The following EIF2B3 variants were observed in gnomAD, a reference collection of about 807,000 sequenced individuals.
EIF2B3 encodes eukaryotic translation initiation factor 2B subunit gamma, also known as translation initiation factor eIF2B subunit gamma.
EIF2B3 carries 20 observed loss-of-function variants against 54.1 expected under a neutral mutation model. The observed-to-expected ratio is 0.37, with a 90% CI of 0.26 to 0.54. The LOEUF is 0.54. EIF2B3 is among the 20% of genes least tolerant of loss of function. The pLI, the probability that EIF2B3 is intolerant of heterozygous loss-of-function variation, is 0.86. For synonymous variants in EIF2B3, 153 were observed against 188.1 expected (o/e 0.81, Z 1.52); for missense variants, 448 against 547.8 (o/e 0.82, Z 1.82).
intron 3 of EIF2B3, among the ~76,000 whole-genome samples, chr1:44,966,966 C>T (rs1644348477): frequency 1.3e-5 from 2 of 151,846 alleles, no homozygotes; most frequent in African/African-American, 4.8e-5. Flanking sequence ...CGAGCACACG[C>T]CACTATGGCC....
chr1:44,897,140 C>T (rs910448005), intron 6 of EIF2B3, among the ~76,000 whole-genome samples: 6 of 152,104 alleles, frequency 3.9e-5, no homozygotes, highest in Admixed American at 2.0e-4. Context: ...TTATAACACA[C>T]GCTGCAAAAA....
intron 3 of EIF2B3, among the ~76,000 whole-genome samples, chr1:44,958,169 T>C (rs1445400140): frequency 6.6e-6 from 1 of 152,192 alleles, no homozygotes; most frequent in Non-Finnish European, 1.5e-5. Context: ...CAGCACCCTG[T>C]GTGCCAGTCC....
intron 5 of EIF2B3, among the ~76,000 whole-genome samples, chr1:44,900,445 C>CAAAAAAA (rs34226720): frequency 2.3e-5 from 1 of 43,572 alleles, no homozygotes; most frequent in African/African-American, 9.1e-5. Context: ...AGAATCATCT[C>CAAAAAAA]AAAAAAAAAA....
chr1:44,895,662 G>T (rs1413512651), intron 6 of EIF2B3, among the ~76,000 whole-genome samples: 1 of 152,016 alleles, frequency 6.6e-6, no homozygotes, highest in South Asian at 2.1e-4. Context: ...ATTTACAGAT[G>T]AAATTATATC....
In EIF2B3 at chr1:44,857,781, C is replaced by T. The variant is rs201617348; in HGVS notation, c.1229G>A (p.Cys410Tyr). 6.2e-7 allele frequency: 1 copy of T among 1,614,134 alleles called. No homozygotes were observed. The highest frequency in any genetic ancestry group is 8.5e-7 in the Non-Finnish European group (1 of 1,179,990). ...EGSNIQGSVI[C>Y]NNAVIEKGAD... is the part of the protein sequence containing the mutation. ...ACCCTTCTCGATCACAGCATTGTTG[C>T]AGATGACACTGCCTTGGATATTGCT... Residue 410 changes from cysteine to tyrosine, a missense_variant, in exon 11 of 12, where the codon TGC becomes TAC. Coordinates refer to ENST00000360403, the MANE Select transcript of EIF2B3 (RefSeq NM_020365.5).
At chr1:44,967,710 C>T (rs544086452) in intron 3 of EIF2B3, among the ~76,000 whole-genome samples, 42 of 133,316 alleles carry the variant, frequency 3.2e-4, no homozygotes, top group African/African-American at 8.1e-4. Context: ...ATTGCACTCC[C>T]GTCTGGCGAC....
chr1:44,965,445 G>A (rs1219653453), intron 3 of EIF2B3, among the ~76,000 whole-genome samples: 1 of 151,776 alleles, frequency 6.6e-6, no homozygotes, highest in Non-Finnish European at 1.5e-5. Context: ...CTTTAGAACA[G>A]GTTTAGAACT....
At chr1:44,880,884 C>A (rs1175724443) in intron 7 of EIF2B3, among the ~76,000 whole-genome samples, 1 of 152,000 alleles carries the variant, frequency 6.6e-6, no homozygotes, top group Non-Finnish European at 1.5e-5. Flanking sequence ...TGGCGTGAAC[C>A]CGGGAGGCGG....
chr1:44,957,923 C>T (rs2148952347), intron 3 of EIF2B3, among the ~76,000 whole-genome samples: 1 of 152,230 alleles, frequency 6.6e-6, no homozygotes, highest in East Asian at 1.9e-4. Context: ...TCATTTTTAA[C>T]AAAGCTACAC....
intron 1 of EIF2B3, among the ~76,000 whole-genome samples, chr1:44,983,999 C>T (rs1394504908): frequency 2.6e-5 from 4 of 151,940 alleles, no homozygotes; most frequent in Admixed American, 2.0e-4. Flanking sequence ...TGAGCCACTG[C>T]GCCCGGCCTC....
intron 6 of EIF2B3, among the ~76,000 whole-genome samples, chr1:44,888,629 T>C (rs1346729142): frequency 6.6e-6 from 1 of 150,762 alleles, no homozygotes; most frequent in East Asian, 2.0e-4. Flanking sequence ...TGCTATGAAT[T>C]TGTCTGTGTT....
chr1:44,950,969 G>C lies in EIF2B3; in HGVS notation c.295-9304C>G, dbSNP rs12742371. ...CTCCCGAAGTGTTGGGATTACAGGC[G>C]TAAGCCACTGCACCTGACCAGTATG... On this transcript the variant is annotated intron_variant, in intron 3 of 11. Coordinates refer to ENST00000360403, the MANE Select transcript of EIF2B3 (RefSeq NM_020365.5). Among the ~76,000 whole-genome samples, 7 of 152,178 alleles carry C rather than the reference G, an allele frequency of 4.6e-5. No homozygotes were observed. In the East Asian group the frequency reaches 1.2e-3, roughly 25 times the overall value.
intron 4 of EIF2B3, among the ~76,000 whole-genome samples, chr1:44,927,957 T>C (rs4399198): frequency 0.011 from 1,618 of 151,724 alleles, 33 homozygotes; most frequent in African/African-American, 0.037. Context: ...AGCCCAGGAA[T>C]TCAAGATCAG....
rs1198822553 is a variant in EIF2B3, at chr1:44,978,449, C to A, written c.160G>T (p.Val54Phe). Residue 54 changes from valine to phenylalanine, a missense_variant, in exon 3 of 12, where the codon GTT (valine) becomes TTT (phenylalanine). This residue lies in a region of EIF2B3 where 95 missense variants were observed against 115.7 expected (regional missense o/e 0.82). Transcript: ENST00000360403. ...ERVGFEEVIV[V>F]TTRDVQKALC... is the part of the protein sequence containing the mutation. The stretch of plus-strand genomic sequence containing the variant: ...GCCTTTTGAACATCCCTGGTTGTAA[C>A]CACAATGACTTCTATAGGACAAAAG... 1.2e-6 allele frequency: 2 copies of A among 1,613,102 alleles called. No homozygotes were observed. The highest frequency in any genetic ancestry group is 1.7e-6 in the Non-Finnish European group (2 of 1,179,942).
intron 4 of EIF2B3, among the ~76,000 whole-genome samples, chr1:44,934,801 G>A (rs1643930454): frequency 6.6e-6 from 1 of 152,056 alleles, no homozygotes; most frequent in Admixed American, 6.5e-5. Context: ...CACACGCCTG[G>A]CCCACTTTAT....
chr1:44,916,931 C>CT (rs1441176554), intron 5 of EIF2B3, among the ~76,000 whole-genome samples: 2 of 151,682 alleles, frequency 1.3e-5, no homozygotes, highest in African/African-American at 2.4e-5. Flanking sequence ...TTATAATATT[C>CT]TTTTTTTTCT....
intron 4 of EIF2B3, among the ~76,000 whole-genome samples, chr1:44,936,491 T>C (rs1259686911): frequency 6.6e-6 from 1 of 151,666 alleles, no homozygotes. Flanking sequence ...CTCAGGAGGC[T>C]GAGGCAGGAG....
At chr1:44,909,784 G>A (rs1262512642) in intron 5 of EIF2B3, among the ~76,000 whole-genome samples, 2 of 152,124 alleles carry the variant, frequency 1.3e-5, no homozygotes, top group Admixed American at 6.5e-5. Flanking sequence ...ATTAAGAGAG[G>A]TATTTTGGGA....
chr1:44,944,635 C>A (rs1053837153), intron 3 of EIF2B3, among the ~76,000 whole-genome samples: 1 of 152,072 alleles, frequency 6.6e-6, no homozygotes, highest in Non-Finnish European at 1.5e-5. Flanking sequence ...TCTAAAAATA[C>A]ATAAAACATT....
Sources: allele counts gnomAD v4.1 joint callset (sites outside exome capture counted in the v4.1 genomes callset), GRCh38; gene constraint gnomAD v4.1.1; regional missense constraint gnomAD v4.1.1; transcripts MANE v1.5; gene names NCBI Gene and HGNC (gene_info 2026-07-23, HGNC 2026-07-21).